The following DCAF6 variants were observed in gnomAD, a reference collection of about 807,000 sequenced individuals.
The protein encoded by DCAF6 is DDB1- and CUL4-associated factor 6.
In DCAF6, 54 loss-of-function variants were observed where a neutral mutation model predicts 125.1. That is an observed-to-expected ratio of 0.43 (90% CI 0.35 to 0.54). The LOEUF (loss-of-function observed/expected upper bound fraction) is 0.54, where lower values mean the gene tolerates loss of function less well. DCAF6 is among the 20% of genes least tolerant of loss of function. The pLI is 0.01. For synonymous variants in DCAF6, 371 were observed against 390.4 expected (o/e 0.95, Z 0.58); for missense variants, 934 against 1,161.7 (o/e 0.80, Z 2.85).
chr1:167,893,695 C>CAAAA, the DCAF6 span, among the ~76,000 whole-genome samples: 1 of 70,192 alleles, frequency 1.4e-5, no homozygotes, highest in Non-Finnish European at 2.7e-5. Flanking sequence ...GACTCTGTCT[C>CAAAA]AAAAAAAAAA....
At chr1:167,888,159 T>C in the DCAF6 span, among the ~76,000 whole-genome samples, 2 of 152,256 alleles carry the variant, frequency 1.3e-5, no homozygotes, top group Non-Finnish European at 2.9e-5. Context: ...ATGCCAGTAC[T>C]ATGCTATTTG....
intron 17 of DCAF6, among the ~76,000 whole-genome samples, chr1:168,062,745 A>G (rs192247534): frequency 1.3e-5 from 2 of 152,164 alleles, no homozygotes; most frequent in East Asian, 1.9e-4. Flanking sequence ...TTTTATTTTA[A>G]TAGTTAAATC....
At chr1:167,868,894 A>G in the DCAF6 span, among the ~76,000 whole-genome samples, 1 of 152,212 alleles carries the variant, frequency 6.6e-6, no homozygotes, top group Non-Finnish European at 1.5e-5. Flanking sequence ...AGAAATCATC[A>G]CTAATAAAAC....
chr1:167,940,473 C>G (rs1036198832), intron 1 of DCAF6, among the ~76,000 whole-genome samples: 2 of 151,326 alleles, frequency 1.3e-5, no homozygotes, highest in African/African-American at 4.9e-5. Context: ...ACGTCCTGGG[C>G]TCAAGGCCAT....
the DCAF6 span, among the ~76,000 whole-genome samples, chr1:167,892,186 G>A: frequency 6.6e-6 from 1 of 151,994 alleles, no homozygotes; most frequent in Admixed American, 6.6e-5. Flanking sequence ...TGTCCAGGCT[G>A]GTCTTGAACT....
In DCAF6 at chr1:168,004,767, C is replaced by A. The variant is rs1460485457; in HGVS notation, c.1352C>A (p.Ser451Tyr). Residue 451 changes from serine (S) to tyrosine (Y), a missense_variant, in exon 10 of 22, where the codon TCT (serine) becomes TAT (tyrosine). Coordinates refer to ENST00000367840, the MANE Select transcript of DCAF6 (RefSeq NM_001198956.2). ...DSEQRQSVEA[S>Y]GHHTHHQSEF... is the part of the protein sequence containing the mutation. ...GAACAAAGGCAGTCTGTTGAGGCAT[C>A]TGGACACCACACACATCATCAGTCT... The A allele has an allele frequency of 3.1e-6, 5 of 1,613,794 alleles. No individual in the cohort carries two copies. Among genetic ancestry groups the A allele is most frequent in the African/African-American group, 1.3e-5 (1 of 74,914 alleles).
At chr1:167,971,848 T>C (rs1018288218) in intron 3 of DCAF6, among the ~76,000 whole-genome samples, 1 of 152,102 alleles carries the variant, frequency 6.6e-6, no homozygotes. Flanking sequence ...TAAAAAGTTA[T>C]TATTGTTATT....
chr1:168,060,046 A>G (rs2101929861), intron 17 of DCAF6, among the ~76,000 whole-genome samples: 1 of 152,326 alleles, frequency 6.6e-6, no homozygotes, highest in South Asian at 2.1e-4. Context: ...TGTTGCTGTT[A>G]TAAATGCATT....
At chr1:167,924,419 AT>A in the DCAF6 span, 1 of 1,231,446 alleles carries the variant, frequency 8.1e-7, no homozygotes, top group Non-Finnish European at 1.2e-6. Flanking sequence ...TATATCCTTC[AT>A]AAAAGTTACT....
Position 168,015,940 on chromosome 1 carries a change from C to T in DCAF6, c.1538C>T (p.Pro513Leu). 1 of 1,497,496 alleles carries T rather than the reference C, an allele frequency of 6.7e-7. No individual in the cohort carries two copies. The highest frequency in any genetic ancestry group is 8.9e-7 in the Non-Finnish European group (1 of 1,120,754). The allele number at this position is 1,497,496 out of a possible 1,614,324, so 92.8% of individuals were successfully genotyped here. The change falls in exon 11 of 22, where the codon CCT (proline) becomes CTT (leucine). Residue 513 changes from proline to leucine, a missense_variant. Physicochemically the swap from Pro to Leu is moderately conservative, Grantham distance 98. This residue lies in a region of DCAF6 where 559 missense variants were observed against 635.5 expected (regional missense o/e 0.88). Coordinates refer to ENST00000367840, the MANE Select transcript of DCAF6 (RefSeq NM_001198956.2). ...TCTCATGAGGGCTCTTCACAGGACCCTCATGCTTCAGGTTATTAATGTCAA... is the reference window on the plus strand; with the variant it reads ...TCTCATGAGGGCTCTTCACAGGACCTTCATGCTTCAGGTTATTAATGTCAA... ...QSSHEGSSQD[P>L]HASDSPSSVV...
chr1:168,051,391 A>C (rs902899328), intron 17 of DCAF6, among the ~76,000 whole-genome samples: 21 of 152,304 alleles, frequency 1.4e-4, no homozygotes, highest in South Asian at 6.2e-4. Context: ...TTTTGCAAGA[A>C]AGTTGTTTCC....
intron 2 of DCAF6, among the ~76,000 whole-genome samples, chr1:167,954,207 T>TG (rs1287502519): frequency 1.3e-5 from 2 of 151,938 alleles, no homozygotes; most frequent in Admixed American, 1.3e-4. Flanking sequence ...GGTTTCGCCG[T>TG]GTTGGCTAGG....
Position 167,987,526 on chromosome 1 carries a change from T to C in DCAF6, c.470T>C (p.Phe157Ser). The C allele has an allele frequency of 1.9e-6, 3 of 1,604,028 alleles. No homozygotes were observed. The highest frequency in any genetic ancestry group is 2.6e-6 in the Non-Finnish European group (3 of 1,172,872). Residue 157 changes from phenylalanine (F) to serine (S), a missense_variant, in exon 5 of 22, where the codon TTT becomes TCT. By Grantham distance (155) the Phe-to-Ser change is radical. Transcript: ENST00000367840. Reference protein sequence around the residue: ...IMTVPNDPYTFLSCGEDGTVR... With the variant: ...IMTVPNDPYTSLSCGEDGTVR... ...ACTGTACCCAATGACCCTTACACTT[T>C]TCTCTCTTGTGGTGAAGATGGAACT... is the stretch of plus-strand genomic sequence containing the variant.
At chr1:167,934,442 A>G (rs2102563525), upstream of DCAF6, among the ~76,000 whole-genome samples, 1 of 152,360 alleles carries the variant, frequency 6.6e-6, no homozygotes, top group East Asian at 1.9e-4. Context: ...ATAATTCCAA[A>G]AAAATTGAAT....
At chr1:168,038,058 G>A (rs1018159840) in intron 12 of DCAF6, among the ~76,000 whole-genome samples, 3 of 152,178 alleles carry the variant, frequency 2.0e-5, no homozygotes, top group Non-Finnish European at 4.4e-5. Flanking sequence ...AAGGGTACCA[G>A]TTTGTAACTA....
intron 1 of DCAF6, among the ~76,000 whole-genome samples, chr1:167,938,772 C>T (rs1313255655): frequency 6.6e-6 from 1 of 152,082 alleles, no homozygotes; most frequent in Non-Finnish European, 1.5e-5. Flanking sequence ...TCTTTTGGTT[C>T]AGTTACTTCA....
the DCAF6 span, among the ~76,000 whole-genome samples, chr1:167,871,188 A>G: frequency 6.6e-6 from 1 of 152,128 alleles, no homozygotes; most frequent in Non-Finnish European, 1.5e-5. Flanking sequence ...TATGGATAAA[A>G]TATTTTTATT....
At chr1:167,918,047 G>A in the DCAF6 span, 3 of 287,586 alleles carry the variant, frequency 1.0e-5, no homozygotes, top group South Asian at 2.8e-4. Flanking sequence ...TTGGCTGACT[G>A]GAACAGAAGG....
chr1:167,961,343 T>C (rs1037546119), intron 2 of DCAF6, among the ~76,000 whole-genome samples: 8 of 151,996 alleles, frequency 5.3e-5, no homozygotes, highest in Non-Finnish European at 4.4e-5. Context: ...CCCGGGTTCA[T>C]GCCATTCTTC....
Sources: gnomAD v4.1 joint callset for allele counts (sites outside exome capture counted in the v4.1 genomes callset) on GRCh38, gnomAD v4.1.1 for gene constraint, gnomAD v4.1.1 regional missense constraint, MANE v1.5 for transcripts, NCBI Gene and HGNC (gene_info 2026-07-23, HGNC 2026-07-21) for gene names.